The following XPO6 variants were observed in gnomAD, a reference collection of about 807,000 sequenced individuals.
XPO6 encodes exportin 6.
A neutral mutation model predicts 130.0 loss-of-function variants in XPO6; 3 were observed. That is an observed-to-expected ratio of 0.02 (90% CI 0.01 to 0.06). The LOEUF (loss-of-function observed/expected upper bound fraction) is 0.06, where lower values mean the gene tolerates loss of function less well. XPO6 is among the 10% of genes least tolerant of loss of function. The probability of loss-of-function intolerance (pLI) is 1.00; values close to 1 mark genes in which losing one functional copy is unlikely to be tolerated. For missense variants in XPO6, 970 were observed against 1,393.0 expected, an observed-to-expected ratio of 0.70 and a Z score of 4.83; for synonymous variants, 524 against 548.9, an observed-to-expected ratio of 0.95 and a Z score of 0.63.
chr16:28,144,243 G>C (rs2042944547), intron 9 of XPO6, among the ~76,000 whole-genome samples: 1 of 152,288 alleles, frequency 6.6e-6, no homozygotes, highest in Middle Eastern at 3.4e-3. Flanking sequence ...CATGTGACCT[G>C]ACACCATAGC....
intron 15 of XPO6, 114 bp from the exon 16 acceptor site, chr16:28,113,164 T>A (rs1376938844): frequency 7.5e-7 from 1 of 1,337,374 alleles, no homozygotes; most frequent in Non-Finnish European, 1.0e-6. Flanking sequence ...TTACACCACC[T>A]AGGCCCTATC....
intron 6 of XPO6, among the ~76,000 whole-genome samples, chr16:28,159,154 C>CG (rs977001515): frequency 1.6e-4 from 24 of 151,850 alleles, no homozygotes; most frequent in African/African-American, 5.8e-4. Flanking sequence ...CGCTTGAGCC[C>CG]GGGGAGGTCA....
intron 5 of XPO6, among the ~76,000 whole-genome samples, chr16:28,169,400 T>C (rs1048709543): frequency 1.3e-5 from 2 of 152,182 alleles, no homozygotes; most frequent in Admixed American, 6.5e-5. Flanking sequence ...CTCCAACTTC[T>C]CCTGATCTTC....
chr16:28,201,997 G>A (rs2043961132), intron 1 of XPO6, among the ~76,000 whole-genome samples: 1 of 152,202 alleles, frequency 6.6e-6, no homozygotes, highest in African/African-American at 2.4e-5. Flanking sequence ...AAGCCTCAGA[G>A]AGGTAATGTT....
At chr16:28,199,317 A>T (rs2043917400) in intron 1 of XPO6, among the ~76,000 whole-genome samples, 1 of 152,204 alleles carries the variant, frequency 6.6e-6, no homozygotes, top group Admixed American at 6.5e-5. Flanking sequence ...GCAGATGAAT[A>T]ATTTCCTGGA....
intron 1 of XPO6, 61 bp from the exon 2 acceptor site, chr16:28,181,092 T>C (rs748387990): frequency 1.8e-5 from 24 of 1,327,300 alleles, no homozygotes; most frequent in African/African-American, 1.0e-4. Flanking sequence ...TGTTCCTCAG[T>C]TCCTTCTAGG....
Position 28,202,627 on chromosome 16 carries a change from G to A in XPO6, c.3+8739C>T, listed in dbSNP as rs555092942. The stretch of plus-strand genomic sequence containing the variant: ...CATCATTTGACTAGCTAGAAAATGA[G>A]GTCATTAACAGAACCAGGGCAAGAC... On this transcript the variant is annotated intron_variant, in intron 1 of 23. Coordinates refer to ENST00000304658, the MANE Select transcript of XPO6 (RefSeq NM_015171.4). Among the ~76,000 whole-genome samples the A allele has an allele frequency of 1.1e-3, 162 of 152,250 alleles. 1 individual carries two copies. Among genetic ancestry groups the A allele is most frequent in the African/African-American group, 3.6e-3 (148 of 41,552 alleles).
chr16:28,152,236 T>C (rs748848214), intron 8 of XPO6, among the ~76,000 whole-genome samples: 9 of 152,332 alleles, frequency 5.9e-5, no homozygotes, highest in East Asian at 3.9e-4. Context: ...ACTTGGACAC[T>C]ACCAAAACTT....
intron 8 of XPO6, 35 bp downstream of exon 8, chr16:28,152,624 T>C: frequency 6.3e-7 from 1 of 1,587,970 alleles, no homozygotes; most frequent in Admixed American, 1.9e-5. Context: ...AATAAACCTT[T>C]TCTCTGGAAG....
At chr16:28,172,990 A>G (rs572484345) in intron 4 of XPO6, 2 of 152,316 alleles carry the variant, frequency 1.3e-5, no homozygotes, top group East Asian at 3.9e-4. Flanking sequence ...CTGCATCTGT[A>G]GTAAACATGT....
At position 28,152,686 on chromosome 16, in the gene XPO6, T is replaced by A. The variant is rs772451116; in HGVS notation, c.1197A>T (p.Thr399=). The change falls in exon 8 of 24, where the codon ACA becomes ACT. Residue 399 remains threonine (T), a synonymous_variant. Coordinates refer to ENST00000304658, the MANE Select transcript of XPO6 (RefSeq NM_015171.4). ...GATGAAATGTGTACTTGAACAAAAG[T>A]GTCAAAAACTCCACCACAGGGAACT... ...YSQFPVVEFL[T]LLFKYTFHQP... 6 of 1,612,646 alleles carry A rather than the reference T, an allele frequency of 3.7e-6. No homozygotes were observed. Among genetic ancestry groups the A allele is most frequent in the Non-Finnish European group, 4.2e-6 (5 of 1,179,678 alleles).
intron 15 of XPO6, among the ~76,000 whole-genome samples, chr16:28,115,314 A>G (rs914406375): frequency 4.6e-5 from 7 of 152,242 alleles, no homozygotes; most frequent in African/African-American, 1.7e-4. Flanking sequence ...TTGAAAGCCA[A>G]AATTACCCCT....
At chr16:28,113,491 C>G (rs1374946245) in intron 15 of XPO6, among the ~76,000 whole-genome samples, 1 of 152,226 alleles carries the variant, frequency 6.6e-6, no homozygotes, top group African/African-American at 2.4e-5. Context: ...TTCCCTTCAG[C>G]ATGCCTATCA....
At chr16:28,108,191 G>T (rs2086828551) in intron 17 of XPO6, among the ~76,000 whole-genome samples, 1 of 152,172 alleles carries the variant, frequency 6.6e-6, no homozygotes, top group Non-Finnish European at 1.5e-5. Flanking sequence ...TAATGGTGCT[G>T]GCTGCAAGAA....
intron 1 of XPO6, among the ~76,000 whole-genome samples, chr16:28,191,648 G>T (rs756761370): frequency 6.6e-6 from 1 of 152,146 alleles, no homozygotes; most frequent in Non-Finnish European, 1.5e-5. Flanking sequence ...TGAAGACAGG[G>T]GCAGGCCACC....
At chr16:28,176,725 G>A (rs2043540783) in intron 3 of XPO6, among the ~76,000 whole-genome samples, 1 of 151,024 alleles carries the variant, frequency 6.6e-6, no homozygotes, top group Admixed American at 6.6e-5. Context: ...AGCCAGGATG[G>A]TCTCCATCTC....
intron 9 of XPO6, among the ~76,000 whole-genome samples, chr16:28,136,110 AG>A (rs2042770094): frequency 6.6e-6 from 1 of 152,244 alleles, no homozygotes; most frequent in African/African-American, 2.4e-5. Flanking sequence ...AATTAACAGA[AG>A]TTAAATAAAC....
chr16:28,166,484 C>T (rs2043357151), intron 6 of XPO6, 24 bp downstream of exon 6: 2 of 1,565,372 alleles, frequency 1.3e-6, no homozygotes, highest in South Asian at 1.2e-5. Context: ...AAGAAGAATG[C>T]CTTGGCTGGC....
At chr16:28,146,050 T>A in intron 9 of XPO6, 44 bp downstream of exon 9, 1 of 1,488,220 alleles carries the variant, frequency 6.7e-7, no homozygotes, top group Non-Finnish European at 9.4e-7. Flanking sequence ...CTAGAATAAC[T>A]GGCAAAATGA....
Sources: allele counts gnomAD v4.1 joint callset (sites outside exome capture counted in the v4.1 genomes callset), GRCh38; gene constraint gnomAD v4.1.1; transcripts MANE v1.5; gene names NCBI Gene and HGNC (gene_info 2026-07-23, HGNC 2026-07-21).